STPG2: variants seen among roughly 807,000 people sequenced by gnomAD.
The protein encoded by STPG2 is sperm-tail PG-rich repeat-containing protein 2.
In STPG2, 56 loss-of-function variants were observed where a neutral mutation model predicts 54.2. That is an observed-to-expected ratio of 1.03 (90% CI 0.83 to 1.29). The LOEUF is 1.29. Ranked by LOEUF, STPG2 falls within the 50% of genes most tolerant of loss-of-function variation. The pLI, the probability that STPG2 is intolerant of heterozygous loss-of-function variation, is 0.00. For missense variants in STPG2, 596 were observed against 544.9 expected, an observed-to-expected ratio of 1.09 and a Z score of -0.93; for synonymous variants, 200 against 181.8, an observed-to-expected ratio of 1.10 and a Z score of -0.81.
At chr4:97,757,330 G>A (rs1363071595) in intron 9 of STPG2, among the ~76,000 whole-genome samples, 1 of 152,026 alleles carries the variant, frequency 6.6e-6, no homozygotes, top group African/African-American at 2.4e-5. Flanking sequence ...TTCTAATTAA[G>A]CTTACTTCAA....
At chr4:97,937,694 C>T (rs997008106) in intron 8 of STPG2, among the ~76,000 whole-genome samples, 1 of 152,134 alleles carries the variant, frequency 6.6e-6, no homozygotes, top group African/African-American at 2.4e-5. Flanking sequence ...TCATCTGGGT[C>T]CCTCCTGCAC....
chr4:97,819,481 G>A lies in STPG2; in HGVS notation c.1204+21292C>T, dbSNP rs558321883. On this transcript the variant is annotated intron_variant, in intron 9 of 10. Coordinates refer to ENST00000295268, the MANE Select transcript of STPG2 (RefSeq NM_174952.3). ...ATAATTTCCTGTGGGAATGTGATAC[G>A]GAAATCACAATGTTATTTTCATGAG... Among the ~76,000 whole-genome samples, 7 of 151,962 alleles carry A rather than the reference G, an allele frequency of 4.6e-5. No individual in the cohort carries two copies. The East Asian group carries it at 5.8e-4, about 13-fold the overall frequency.
intron 5 of STPG2, among the ~76,000 whole-genome samples, chr4:98,034,574 T>C (rs573158420): frequency 4.6e-5 from 7 of 152,332 alleles, no homozygotes; most frequent in African/African-American, 1.7e-4. Context: ...CCATTGACAT[T>C]CTTCACAGAA....
At chr4:97,466,680 T>A (rs1427627544) in intron 4 of STPG2, among the ~76,000 whole-genome samples, 1 of 152,078 alleles carries the variant, frequency 6.6e-6, no homozygotes, top group East Asian at 1.9e-4. Context: ...GGTTATATTA[T>A]TCATACCTTC....
At chr4:97,921,529 A>G (rs1732106984) in intron 8 of STPG2, among the ~76,000 whole-genome samples, 1 of 151,972 alleles carries the variant, frequency 6.6e-6, no homozygotes, top group African/African-American at 2.4e-5. Context: ...GAGAGCTCCA[A>G]TAGTACACTA....
intron 9 of STPG2, among the ~76,000 whole-genome samples, chr4:97,779,713 T>A (rs1018210943): frequency 3.3e-5 from 5 of 152,136 alleles, no homozygotes; most frequent in African/African-American, 1.2e-4. Flanking sequence ...TGGAAGTCCA[T>A]CAGACTAACA....
At chr4:97,957,590 A>G (rs1235046292) in intron 7 of STPG2, among the ~76,000 whole-genome samples, 2 of 152,176 alleles carry the variant, frequency 1.3e-5, no homozygotes, top group Non-Finnish European at 1.5e-5. Flanking sequence ...ATTCATCACA[A>G]AAGATCACTG....
At chr4:97,476,912 C>G (rs1435120834) in intron 4 of STPG2, among the ~76,000 whole-genome samples, 1 of 152,182 alleles carries the variant, frequency 6.6e-6, no homozygotes, top group Non-Finnish European at 1.5e-5. Flanking sequence ...ACACCTGACA[C>G]TTTTCCAAAT....
At chr4:97,769,422 C>T (rs1251182189) in intron 9 of STPG2, among the ~76,000 whole-genome samples, 2 of 152,036 alleles carry the variant, frequency 1.3e-5, no homozygotes, top group Non-Finnish European at 2.9e-5. Context: ...CCCAGCTTTT[C>T]CCAGACAAAA....
intron 9 of STPG2, among the ~76,000 whole-genome samples, chr4:97,832,900 A>G (rs1728511877): frequency 6.6e-6 from 1 of 152,220 alleles, no homozygotes; most frequent in Non-Finnish European, 1.5e-5. Flanking sequence ...GCTCATGGAT[A>G]GGAAGAATCA....
chr4:97,640,914 A>T (rs1443438345), intron 10 of STPG2, among the ~76,000 whole-genome samples: 1 of 151,696 alleles, frequency 6.6e-6, no homozygotes, highest in Non-Finnish European at 1.5e-5. Context: ...GGTTAGGCAT[A>T]AACATAGACT....
chr4:97,806,333 C>T (rs1321612416), intron 9 of STPG2, among the ~76,000 whole-genome samples: 4 of 151,836 alleles, frequency 2.6e-5, no homozygotes, highest in South Asian at 4.2e-4. Context: ...ACATGGACAT[C>T]GAGATGGGAA....
intron 2 of STPG2, among the ~76,000 whole-genome samples, chr4:98,129,733 AC>A (rs1739931057): frequency 6.6e-6 from 1 of 152,234 alleles, no homozygotes; most frequent in Non-Finnish European, 1.5e-5. Context: ...AGTTACTGGG[AC>A]ACTGAAATTA....
chr4:97,617,515 T>C (rs1223134289), intron 10 of STPG2, among the ~76,000 whole-genome samples: 2 of 152,198 alleles, frequency 1.3e-5, no homozygotes, highest in African/African-American at 4.8e-5. Context: ...GCAAACACTT[T>C]TTAAGATTTT....
At position 97,631,933 on chromosome 4, in the gene STPG2, A is replaced by C. The variant is rs184511468; in HGVS notation, c.1321-72816T>G. Reference sequence around the variant, plus strand: ...TAGATTAAATGTTTTAATGAAAGACAAAAACAGTTAGAAAAAGCTTATCTT... The same window carrying C: ...TAGATTAAATGTTTTAATGAAAGACCAAAACAGTTAGAAAAAGCTTATCTT... On this transcript the variant is annotated intron_variant, in intron 10 of 10. Coordinates refer to ENST00000295268, the MANE Select transcript of STPG2 (RefSeq NM_174952.3). Among the ~76,000 whole-genome samples, 629 of 152,238 alleles carry C rather than the reference A, an allele frequency of 4.1e-3. 3 individuals are homozygous for C. The highest frequency in any genetic ancestry group is 0.02 in the South Asian group (98 of 4,828).
chr4:98,131,658 T>G (rs1740000925), intron 2 of STPG2, among the ~76,000 whole-genome samples: 1 of 152,142 alleles, frequency 6.6e-6, no homozygotes, highest in African/African-American at 2.4e-5. Context: ...TGCTCAATAA[T>G]AGCATTTATT....
intron 4 of STPG2, among the ~76,000 whole-genome samples, chr4:97,504,344 T>C (rs1027749763): frequency 1.3e-5 from 2 of 151,446 alleles, no homozygotes; most frequent in African/African-American, 4.8e-5. Flanking sequence ...AAAACTCATC[T>C]ATAGTTTATA....
intron 4 of STPG2, among the ~76,000 whole-genome samples, chr4:97,485,951 C>G (rs531587152): frequency 7.9e-5 from 12 of 151,836 alleles, no homozygotes; most frequent in East Asian, 1.9e-4. Context: ...GAAAAGACAC[C>G]CTTTTCAACA....
At chr4:97,559,203 A>T (rs1252724781) in intron 10 of STPG2, 86 bp from the exon 11 acceptor site, 10 of 847,940 alleles carry the variant, frequency 1.2e-5, no homozygotes, top group Non-Finnish European at 1.7e-5. Flanking sequence ...ATTACCAAAG[A>T]ATAACGATTC....
Sources: gnomAD v4.1 joint callset for allele counts (sites outside exome capture counted in the v4.1 genomes callset) on GRCh38, gnomAD v4.1.1 for gene constraint, MANE v1.5 for transcripts, NCBI Gene and HGNC (gene_info 2026-07-23, HGNC 2026-07-21) for gene names.